SLC36A1: variants seen among roughly 807,000 people sequenced by gnomAD.
SLC36A1 encodes proton-coupled amino acid transporter 1.
In SLC36A1, 30 loss-of-function variants were observed where a neutral mutation model predicts 47.5. That is an observed-to-expected ratio of 0.63 (90% CI 0.47 to 0.86). The LOEUF is 0.86. Ranked by LOEUF, SLC36A1 falls within the 40% of genes least tolerant of loss-of-function variation. The probability of loss-of-function intolerance (pLI) is 0.00; values close to 1 mark genes in which losing one functional copy is unlikely to be tolerated. For missense variants in SLC36A1, 517 were observed against 606.0 expected (o/e 0.85, Z 1.54); for synonymous variants, 255 against 249.7 (o/e 1.02, Z -0.20).
the SLC36A1 span, among the ~76,000 whole-genome samples, chr5:151,500,711 G>A: frequency 6.6e-6 from 1 of 152,194 alleles, no homozygotes; most frequent in African/African-American, 2.4e-5. Context: ...AAGACGCTGA[G>A]TGCTTGCACA....
chr5:151,537,430 G>A, the SLC36A1 span, among the ~76,000 whole-genome samples: 4 of 95,050 alleles, frequency 4.2e-5, no homozygotes, highest in African/African-American at 1.1e-4. Flanking sequence ...AAGGAAAGGA[G>A]AGGAAAGGAG....
the SLC36A1 span, among the ~76,000 whole-genome samples, chr5:151,392,401 T>C: frequency 1.3e-5 from 2 of 152,246 alleles, no homozygotes; most frequent in Admixed American, 6.5e-5. Flanking sequence ...CTCTATCTCC[T>C]TCAGTTCTGC....
chr5:151,502,561 A>G, the SLC36A1 span, among the ~76,000 whole-genome samples: 3 of 148,204 alleles, frequency 2.0e-5, no homozygotes, highest in Admixed American at 6.6e-5. Flanking sequence ...TCCACATCAT[A>G]TGTCATCAGG....
chr5:151,481,184 C>T (rs1195234265), intron 10 of SLC36A1, among the ~76,000 whole-genome samples: 1 of 152,228 alleles, frequency 6.6e-6, no homozygotes, highest in Non-Finnish European at 1.5e-5. Context: ...TGAGTCTCAT[C>T]TCCCTTCAAC....
chr5:151,549,602 A>G, the SLC36A1 span: 1 of 943,486 alleles, frequency 1.1e-6, no homozygotes, highest in Non-Finnish European at 1.7e-6. Flanking sequence ...AATTTAAAAT[A>G]TGCCCAATTG....
At chr5:151,389,566 C>T in the SLC36A1 span, among the ~76,000 whole-genome samples, 3 of 117,194 alleles carry the variant, frequency 2.6e-5, no homozygotes, top group East Asian at 6.1e-4. Context: ...CCCCCTCCCC[C>T]GACCCCTCAA....
intron 1 of SLC36A1, among the ~76,000 whole-genome samples, chr5:151,449,496 C>T (rs887411312): frequency 6.6e-6 from 1 of 152,172 alleles, no homozygotes; most frequent in African/African-American, 2.4e-5. Context: ...TTATATTCGC[C>T]TGCTCTGGAG....
chr5:151,542,145 A>G, the SLC36A1 span: 13 of 689,866 alleles, frequency 1.9e-5, no homozygotes, highest in Non-Finnish European at 3.1e-5. Context: ...GGAGAAACTG[A>G]GGTCCTAGGG....
chr5:151,482,870 A>G (rs1251438121), intron 10 of SLC36A1, among the ~76,000 whole-genome samples: 1 of 152,106 alleles, frequency 6.6e-6, no homozygotes, highest in Non-Finnish European at 1.5e-5. Flanking sequence ...CGTCTCTACT[A>G]AAAATACAAA....
At chr5:151,425,841 T>G in the SLC36A1 span, among the ~76,000 whole-genome samples, 1 of 152,142 alleles carries the variant, frequency 6.6e-6, no homozygotes, top group African/African-American at 2.4e-5. Flanking sequence ...ATTTTAAAAG[T>G]TTATAGAATA....
the SLC36A1 span, among the ~76,000 whole-genome samples, chr5:151,394,277 C>T: frequency 6.6e-6 from 1 of 152,224 alleles, no homozygotes; most frequent in Non-Finnish European, 1.5e-5. Context: ...GACTTCTCTA[C>T]ACTGGTTATT....
At chr5:151,473,454 G>A (rs1277877027) in intron 7 of SLC36A1, among the ~76,000 whole-genome samples, 1 of 151,874 alleles carries the variant, frequency 6.6e-6, no homozygotes, top group African/African-American at 2.4e-5. Context: ...TAGTACCTTG[G>A]GCTTGTCTTT....
the SLC36A1 span, among the ~76,000 whole-genome samples, chr5:151,372,547 G>C: frequency 6.6e-6 from 1 of 151,966 alleles, no homozygotes; most frequent in African/African-American, 2.4e-5. Context: ...GGGCTCAACT[G>C]ATCCTCCCGC....
chr5:151,358,980 CAAAAAAAAAAAA>C, the SLC36A1 span, among the ~76,000 whole-genome samples: 7 of 46,254 alleles, frequency 1.5e-4, no homozygotes, highest in Non-Finnish European at 3.5e-4. Context: ...GACTCCGTCT[CAAAAAAAAAAAA>C]AAAAAAAAAA....
chr5:151,535,306 C>T, the SLC36A1 span, among the ~76,000 whole-genome samples: 1 of 152,058 alleles, frequency 6.6e-6, no homozygotes, highest in African/African-American at 2.4e-5. Context: ...CTCCTGCTCT[C>T]CTTTCACCTG....
intron 4 of SLC36A1, 101 bp downstream of exon 4, chr5:151,464,703 T>C: frequency 2.1e-6 from 2 of 973,452 alleles, no homozygotes; most frequent in Non-Finnish European, 3.2e-6. Flanking sequence ...CTCAATTCTT[T>C]ACACTGGCTG....
the SLC36A1 span, among the ~76,000 whole-genome samples, chr5:151,376,827 T>G: frequency 3.9e-5 from 6 of 152,082 alleles, no homozygotes; most frequent in Middle Eastern, 3.2e-3. Flanking sequence ...AAGATGGGGT[T>G]TCATCATATT....
the SLC36A1 span, among the ~76,000 whole-genome samples, chr5:151,365,367 A>G: frequency 0.011 from 1,645 of 152,314 alleles, 66 homozygotes; most frequent in East Asian, 0.15. Context: ...GTGCCCAGTA[A>G]TTGCAAACAC....
the SLC36A1 span, among the ~76,000 whole-genome samples, chr5:151,350,789 C>A: frequency 6.6e-6 from 1 of 152,086 alleles, no homozygotes. Context: ...GCAACCTCCA[C>A]CTCCCAAGCT....
Sources: gnomAD v4.1 joint callset for allele counts (sites outside exome capture counted in the v4.1 genomes callset) on GRCh38, gnomAD v4.1.1 for gene constraint, MANE v1.5 for transcripts, NCBI Gene and HGNC (gene_info 2026-07-23, HGNC 2026-07-21) for gene names.